EIF2AK4: variants seen among roughly 807,000 people sequenced by gnomAD.
The protein encoded by EIF2AK4 is eukaryotic translation initiation factor 2 alpha kinase 4.
Under a neutral mutation model 211.1 loss-of-function variants are expected in EIF2AK4, and 139 were observed. The observed-to-expected ratio is 0.66, with a 90% CI of 0.57 to 0.76. EIF2AK4 has a LOEUF of 0.76. Among genes scored for constraint, EIF2AK4 ranks in the 30% least tolerant of loss-of-function variants. EIF2AK4 has a pLI of 0.00. For synonymous variants in EIF2AK4, 710 were observed against 751.3 expected (o/e 0.94, Z 0.90); for missense variants, 1,664 against 2,043.8 (o/e 0.81, Z 3.58).
intron 18 of EIF2AK4, 130 bp downstream of exon 18, chr15:39,992,978 T>C (rs1193158175): frequency 5.9e-6 from 5 of 847,384 alleles, no homozygotes; most frequent in African/African-American, 5.0e-5. Flanking sequence ...GAAGGACTCA[T>C]GGTCCTAAGG....
In EIF2AK4 at chr15:39,973,625, T is replaced by C. The variant is rs541667530; in HGVS notation, c.1694T>C (p.Ile565Thr). Reference sequence around the variant, plus strand: ...GGACAAGATTATGTTGAGACTGTTATTCCTAGCAACCGGCTACCCAGTGCT... The same window carrying C: ...GGACAAGATTATGTTGAGACTGTTACTCCTAGCAACCGGCTACCCAGTGCT... ...SEGQDYVETV[I>T]PSNRLPSAAF... is the part of the protein sequence containing the mutation. The change falls in exon 11 of 39, where the codon ATT becomes ACT. Residue 565 changes from isoleucine to threonine, a missense_variant. Around this residue, in one of 7 missense-constraint regions of EIF2AK4, gnomAD observed 641 missense variants for 729.6 expected, o/e 0.88. Coordinates refer to ENST00000263791, the MANE Select transcript of EIF2AK4 (RefSeq NM_001013703.4). The C allele has an allele frequency of 2.5e-5, 40 of 1,614,052 alleles. No individual in the cohort carries two copies. The African/African-American group carries it at 4.5e-4, about 18-fold the overall frequency.
chr15:39,960,290 C>A (rs1285689670), intron 6 of EIF2AK4, among the ~76,000 whole-genome samples: 1 of 151,616 alleles, frequency 6.6e-6, no homozygotes, highest in Non-Finnish European at 1.5e-5. Flanking sequence ...GGATTGGAAG[C>A]AGAAAGACCA....
At position 40,013,199 on chromosome 15, in the gene EIF2AK4, T is replaced by A. The variant is rs1323339213; in HGVS notation, c.3759+1853T>A. On this transcript the variant is annotated intron_variant, in intron 27 of 38. Coordinates refer to ENST00000263791, the MANE Select transcript of EIF2AK4 (RefSeq NM_001013703.4). ...CTTTTTATTTTTTTGAGACAGGGTC[T>A]TGCACTGTCACGCAGGCTAGATTAC... Among the ~76,000 whole-genome samples, 3 of 152,334 alleles carry A rather than the reference T, an allele frequency of 2.0e-5. 1 individual carries two copies. The East Asian group carries it at 5.8e-4, about 29-fold the overall frequency.
At chr15:39,953,580 A>T (rs2034349895) in intron 4 of EIF2AK4, among the ~76,000 whole-genome samples, 1 of 152,194 alleles carries the variant, frequency 6.6e-6, no homozygotes, top group Non-Finnish European at 1.5e-5. Flanking sequence ...ATCAAACAGG[A>T]GGAGCTAAGA....
intron 11 of EIF2AK4, 125 bp downstream of exon 11, chr15:39,973,874 A>G: frequency 9.5e-7 from 1 of 1,057,776 alleles, no homozygotes; most frequent in Non-Finnish European, 1.4e-6. Flanking sequence ...GTTGGATACT[A>G]TGCTCATCCT....
rs2035129657 is a variant in EIF2AK4 at position 40,004,212 on chromosome 15, A to C, written c.3357+898A>C. 2.0e-5 allele frequency among the ~76,000 whole-genome samples: 3 copies of C among 152,250 alleles called. No homozygotes were observed. In the South Asian group the frequency reaches 6.2e-4, roughly 31 times the overall value. On this transcript the variant is annotated intron_variant, in intron 23 of 38. Coordinates refer to ENST00000263791, the MANE Select transcript of EIF2AK4 (RefSeq NM_001013703.4). ...TCTAAAAGTTTATAATAAAACTTTA[A>C]AAATTTTGTTGCACATTCTTTATCC...
chr15:39,950,443 T>G (rs968939302), intron 4 of EIF2AK4, among the ~76,000 whole-genome samples: 1 of 151,864 alleles, frequency 6.6e-6, no homozygotes, highest in Non-Finnish European at 1.5e-5. Context: ...ATACAAAAAT[T>G]AGCCGGGTGT....
chr15:39,935,119 G>A (rs768107921), intron 1 of EIF2AK4, among the ~76,000 whole-genome samples: 20 of 152,110 alleles, frequency 1.3e-4, no homozygotes, highest in Non-Finnish European at 2.5e-4. Context: ...CATTCAAAGC[G>A]GCCCATGGGC....
At chr15:39,981,295 A>C (rs2140921715) in intron 13 of EIF2AK4, among the ~76,000 whole-genome samples, 1 of 152,156 alleles carries the variant, frequency 6.6e-6, no homozygotes, top group African/African-American at 2.4e-5. Context: ...GCTTGAACTC[A>C]GGAGGCAGAG....
intron 15 of EIF2AK4, 82 bp from the exon 16 acceptor site, chr15:39,990,191 T>C (rs555926542): frequency 1.9e-4 from 263 of 1,349,206 alleles, no homozygotes; most frequent in Non-Finnish European, 2.4e-4. Flanking sequence ...TTTTCATCGC[T>C]AGGTTGGCCT....
At position 39,934,205 on chromosome 15, in the gene EIF2AK4, G is replaced by C; in HGVS notation, c.10G>C (p.Gly4Arg). 1.9e-6 allele frequency: 3 copies of C among 1,568,618 alleles called. No individual in the cohort carries two copies. The highest frequency in any genetic ancestry group is 2.6e-6 in the Non-Finnish European group (3 of 1,158,406). MAG[G>R]RGAPGRGRDE... ...TGGGCGCAGCGCTGCCATGGCTGGG[G>C]GCCGTGGGGCCCCCGGGCGCGGCCG... The change falls in exon 1 of 39, where the codon GGC becomes CGC. Residue 4 changes from glycine to arginine, a missense_variant. This residue lies in a region of EIF2AK4 where 641 missense variants were observed against 729.6 expected (regional missense o/e 0.88). Coordinates refer to ENST00000263791, the MANE Select transcript of EIF2AK4 (RefSeq NM_001013703.4).
intron 6 of EIF2AK4, among the ~76,000 whole-genome samples, chr15:39,961,039 GCAAC>G (rs2034464423): frequency 6.6e-6 from 1 of 152,090 alleles, no homozygotes; most frequent in African/African-American, 2.4e-5. Context: ...CCTCTTCCCT[GCAAC>G]CCTCTCCCCT....
At chr15:40,025,923 A>T in intron 32 of EIF2AK4, 54 bp from the exon 33 acceptor site, 2 of 1,534,292 alleles carry the variant, frequency 1.3e-6, no homozygotes, top group Non-Finnish European at 9.0e-7. Context: ...GCTCTGAGCT[A>T]GTCTTCTGGG....
intron 9 of EIF2AK4, among the ~76,000 whole-genome samples, chr15:39,968,163 T>C (rs2034571305): frequency 6.6e-6 from 1 of 152,184 alleles, no homozygotes; most frequent in South Asian, 2.1e-4. Flanking sequence ...TAGAGATGGT[T>C]ATGGTGAGAA....
intron 21 of EIF2AK4, among the ~76,000 whole-genome samples, chr15:40,001,949 A>G (rs962293675): frequency 1.3e-5 from 2 of 152,210 alleles, no homozygotes; most frequent in Non-Finnish European, 2.9e-5. Context: ...AAGAAAAAAA[A>G]TCTGAAGCAT....
chr15:40,022,209 T>TGTGTGTGC (rs2035399138), intron 31 of EIF2AK4: 2 of 232,866 alleles, frequency 8.6e-6, no homozygotes, highest in Non-Finnish European at 1.6e-5. Context: ...TGTGTGTGTG[T>TGTGTGTGC]GTGTGTATGT....
chr15:39,936,514 G>A (rs2034067080), intron 1 of EIF2AK4, among the ~76,000 whole-genome samples: 1 of 152,158 alleles, frequency 6.6e-6, no homozygotes, highest in Admixed American at 6.5e-5. Context: ...CCAGGTTCAA[G>A]CGATTCTTGT....
chr15:40,034,036 AAAAAAAAAAAAGT>A (rs1409561443), intron 37 of EIF2AK4, among the ~76,000 whole-genome samples: 1 of 152,004 alleles, frequency 6.6e-6, no homozygotes, highest in Non-Finnish European at 1.5e-5. Flanking sequence ...CTCAAAAAAA[AAAAAAAAAAAAGT>A]AAACGGTAGG....
At chr15:40,018,598 G>T (rs779472276) in intron 29 of EIF2AK4, among the ~76,000 whole-genome samples, 2 of 151,878 alleles carry the variant, frequency 1.3e-5, no homozygotes, top group African/African-American at 4.8e-5. Context: ...CTGGGATTGC[G>T]GGTGTGAGCC....
Sources: allele counts gnomAD v4.1 joint callset (sites outside exome capture counted in the v4.1 genomes callset), GRCh38; gene constraint gnomAD v4.1.1; regional missense constraint gnomAD v4.1.1; transcripts MANE v1.5; gene names NCBI Gene and HGNC (gene_info 2026-07-23, HGNC 2026-07-21).